GABRB1: variants seen among roughly 807,000 people sequenced by gnomAD.
GABRB1 encodes the protein gamma-aminobutyric acid type A receptor subunit beta1.
A neutral mutation model predicts 51.6 loss-of-function variants in GABRB1; 17 were observed. That is an observed-to-expected ratio of 0.33 (90% CI 0.23 to 0.49). The LOEUF (loss-of-function observed/expected upper bound fraction) is 0.49, where lower values mean the gene tolerates loss of function less well. GABRB1 is among the 20% of genes least tolerant of loss of function. The pLI, the probability that GABRB1 is intolerant of heterozygous loss-of-function variation, is 0.99. For missense variants in GABRB1, 410 were observed against 600.6 expected, an observed-to-expected ratio of 0.68 and a Z score of 3.32; for synonymous variants, 247 against 218.9, an observed-to-expected ratio of 1.13 and a Z score of -1.14.
intron 4 of GABRB1, among the ~76,000 whole-genome samples, chr4:47,222,183 C>T (rs1720792607): frequency 2.0e-5 from 3 of 152,124 alleles, no homozygotes; most frequent in African/African-American, 7.2e-5. Context: ...TCACATTTCT[C>T]TCTGCTCTGC....
At chr4:47,052,203 G>A (rs13107144) in intron 3 of GABRB1, among the ~76,000 whole-genome samples, 3,640 of 152,254 alleles carry the variant, frequency 0.024, 65 homozygotes, top group Middle Eastern at 0.041. Flanking sequence ...CCTTGTAATT[G>A]CTGAAGAAAC....
intron 3 of GABRB1, among the ~76,000 whole-genome samples, chr4:47,140,838 T>C (rs1198398677): frequency 1.3e-5 from 2 of 151,428 alleles, no homozygotes; most frequent in African/African-American, 2.4e-5. Flanking sequence ...CCTATATGAA[T>C]ATAAAGGTAT....
At chr4:47,351,244 G>A (rs1726317024) in intron 5 of GABRB1, among the ~76,000 whole-genome samples, 1 of 152,062 alleles carries the variant, frequency 6.6e-6, no homozygotes, top group African/African-American at 2.4e-5. Flanking sequence ...TCAAAAGCTA[G>A]CCAAAAAAAT....
chr4:47,025,140 CAT>C (rs1226875858), intron 1 of GABRB1, among the ~76,000 whole-genome samples: 2 of 150,424 alleles, frequency 1.3e-5, no homozygotes, highest in Non-Finnish European at 3.0e-5. Flanking sequence ...TTTATCCACT[CAT>C]TGATTGATGC....
At chr4:47,103,020 AGTT>A (rs1714789185) in intron 3 of GABRB1, among the ~76,000 whole-genome samples, 1 of 151,892 alleles carries the variant, frequency 6.6e-6, no homozygotes, top group African/African-American at 2.4e-5. Context: ...CAGCTGGATG[AGTT>A]GTTGTGCATT....
At chr4:47,002,691 C>T (rs1724266072) in intron 1 of GABRB1, among the ~76,000 whole-genome samples, 1 of 152,048 alleles carries the variant, frequency 6.6e-6, no homozygotes, top group South Asian at 2.1e-4. Flanking sequence ...ATCAAACCAA[C>T]ACAGTGTTTG....
At chr4:47,371,861 G>A (rs1377445284) in intron 5 of GABRB1, among the ~76,000 whole-genome samples, 1 of 152,036 alleles carries the variant, frequency 6.6e-6, no homozygotes, top group Non-Finnish European at 1.5e-5. Context: ...CGGATAGATG[G>A]CAAAAATTTT....
At chr4:47,085,542 T>C (rs1728022006) in intron 3 of GABRB1, among the ~76,000 whole-genome samples, 1 of 152,128 alleles carries the variant, frequency 6.6e-6, no homozygotes. Context: ...TATACGGAAC[T>C]AGTGTAAACA....
At chr4:47,393,022 T>C (rs760767397) in intron 5 of GABRB1, among the ~76,000 whole-genome samples, 1 of 152,228 alleles carries the variant, frequency 6.6e-6, no homozygotes, top group Non-Finnish European at 1.5e-5. Context: ...CTGGATTAGA[T>C]GGAGTCAAGT....
chr4:47,228,296 A>G (rs1721022216), intron 4 of GABRB1, among the ~76,000 whole-genome samples: 1 of 152,140 alleles, frequency 6.6e-6, no homozygotes, highest in African/African-American at 2.4e-5. Context: ...CAGATGAATT[A>G]TGACATTCTA....
chr4:47,194,619 A>C (rs1017803705), intron 4 of GABRB1, among the ~76,000 whole-genome samples: 10 of 152,338 alleles, frequency 6.6e-5, no homozygotes, highest in African/African-American at 2.4e-5. Flanking sequence ...TCAAACTAGC[A>C]CATCAGTGCT....
At chr4:47,266,916 C>T (rs1472941222) in intron 4 of GABRB1, among the ~76,000 whole-genome samples, 1 of 151,642 alleles carries the variant, frequency 6.6e-6, no homozygotes, top group Non-Finnish European at 1.5e-5. Context: ...CTGTATATCT[C>T]TTTTCACAGG....
Position 47,323,920 on chromosome 4 carries a change from A to T in GABRB1, c.544+3711A>T, listed in dbSNP as rs966157419. ...TATAAAAGGAGTTAATGGCATATAC[A>T]AAAATCAATCAAGGAATTTAGTCTA... On this transcript the variant is annotated intron_variant, in intron 5 of 8. Coordinates refer to ENST00000295454, the MANE Select transcript of GABRB1 (RefSeq NM_000812.4). Among the ~76,000 whole-genome samples, 10 of 152,216 alleles carry T rather than the reference A, an allele frequency of 6.6e-5. 1 individual carries two copies. The highest frequency in any genetic ancestry group is 1.2e-4 in the Non-Finnish European group (8 of 68,048).
intron 4 of GABRB1, among the ~76,000 whole-genome samples, chr4:47,186,596 T>G (rs758379961): frequency 4.0e-5 from 6 of 151,832 alleles, no homozygotes; most frequent in Non-Finnish European, 7.4e-5. Context: ...CAATTTATTT[T>G]TCTATACCTT....
At chr4:47,354,878 A>G (rs1245727050) in intron 5 of GABRB1, among the ~76,000 whole-genome samples, 1 of 109,646 alleles carries the variant, frequency 9.1e-6, no homozygotes, top group Non-Finnish European at 1.9e-5. Context: ...TTATACCCTG[A>G]CCCCCTGCTT....
chr4:47,319,881 A>G (rs374268700), intron 4 of GABRB1, among the ~76,000 whole-genome samples: 237 of 152,158 alleles, frequency 1.6e-3, no homozygotes, highest in African/African-American at 5.4e-3. Flanking sequence ...GTTTGTTCAG[A>G]TTTCTATTTA....
At chr4:47,150,369 TACACAC>T (rs34368149) in intron 3 of GABRB1, among the ~76,000 whole-genome samples, 2 of 148,358 alleles carry the variant, frequency 1.3e-5, no homozygotes, top group Non-Finnish European at 3.0e-5. Flanking sequence ...CACACGCACA[TACACAC>T]ACACAGAGAG....
At position 47,206,444 on chromosome 4, in the gene GABRB1, G is replaced by T. The variant is rs1432068591; in HGVS notation, c.461+44975G>T. On this transcript the variant is annotated intron_variant, in intron 4 of 8. Transcript: ENST00000295454. The stretch of plus-strand genomic sequence containing the variant: ...AATTCTGTACATCTTTTGTAACTGT[G>T]TCTCCGGAAAATGGCCAGTAAAATA... Among the ~76,000 whole-genome samples the T allele has an allele frequency of 2.6e-5, 4 of 151,780 alleles. No homozygotes were observed. In the East Asian group the frequency reaches 7.7e-4, roughly 29 times the overall value.
intron 1 of GABRB1, among the ~76,000 whole-genome samples, chr4:47,015,404 A>G (rs1724714159): frequency 6.6e-6 from 1 of 152,240 alleles, no homozygotes; most frequent in African/African-American, 2.4e-5. Flanking sequence ...GAGAGTAACT[A>G]TTATATATGT....
Sources: gnomAD v4.1 joint callset for allele counts (sites outside exome capture counted in the v4.1 genomes callset) on GRCh38, gnomAD v4.1.1 for gene constraint, MANE v1.5 for transcripts, NCBI Gene and HGNC (gene_info 2026-07-23, HGNC 2026-07-21) for gene names.